Variants in GC observed in about 807,000 individuals in gnomAD.
GC encodes the protein vitamin D-binding protein.
Under a neutral mutation model 56.7 loss-of-function variants are expected in GC, and 43 were observed. The observed-to-expected ratio is 0.76, with a 90% CI of 0.59 to 0.98. The LOEUF is 0.98. Ranked by LOEUF, GC falls within the 50% of genes least tolerant of loss-of-function variation. The pLI is 0.00. For synonymous variants in GC, 216 were observed against 202.7 expected, an observed-to-expected ratio of 1.07 and a Z score of -0.56; for missense variants, 529 against 545.9, an observed-to-expected ratio of 0.97 and a Z score of 0.31.
At chr4:71,752,209 C>T (rs1741578827) in intron 11 of GC, among the ~76,000 whole-genome samples, 1 of 152,080 alleles carries the variant, frequency 6.6e-6, no homozygotes, top group Non-Finnish European at 1.5e-5. Context: ...TAGGCTGTTA[C>T]TAGGTTACAA....
chr4:71,769,248 T>G (rs1304899566), intron 2 of GC, 83 bp downstream of exon 2: 1 of 998,206 alleles, frequency 1.0e-6, no homozygotes, highest in Non-Finnish European at 1.6e-6. Flanking sequence ...AGGATTAACC[T>G]CCATGCTGAG....
chr4:71,793,650 T>C (rs1743024120), intron 1 of GC, among the ~76,000 whole-genome samples: 1 of 152,148 alleles, frequency 6.6e-6, no homozygotes. Context: ...CCTTTATTTC[T>C]TTCTCTTGCC....
chr4:71,797,553 T>C (rs185889584), intron 1 of GC, among the ~76,000 whole-genome samples: 7 of 152,034 alleles, frequency 4.6e-5, no homozygotes, highest in South Asian at 2.1e-4. Flanking sequence ...GAAAAGTCCT[T>C]TTTTTTCCAG....
intron 8 of GC, among the ~76,000 whole-genome samples, chr4:71,756,226 C>G (rs1329670352): frequency 6.6e-6 from 1 of 152,150 alleles, no homozygotes; most frequent in Non-Finnish European, 1.5e-5. Flanking sequence ...TATGATAAAA[C>G]TAGTTAATAA....
At chr4:71,803,347 T>C (rs952468353) in intron 1 of GC, among the ~76,000 whole-genome samples, 2 of 152,134 alleles carry the variant, frequency 1.3e-5, no homozygotes, top group South Asian at 4.1e-4. Context: ...ATCCAGTTAC[T>C]TCCTTTAAAA....
At chr4:71,770,959 A>G (rs1220845837) in intron 1 of GC, among the ~76,000 whole-genome samples, 1 of 152,178 alleles carries the variant, frequency 6.6e-6, no homozygotes, top group African/African-American at 2.4e-5. Context: ...TCCATCACAT[A>G]TGTAATAGGG....
rs1250441988 is a variant in GC, at chr4:71,741,779, A to G, written c.*117T>C. On this transcript the variant is annotated 3_prime_UTR_variant, in exon 13 of 13. Coordinates refer to ENST00000273951, the MANE Select transcript of GC (RefSeq NM_000583.4). The stretch of plus-strand genomic sequence containing the variant: ...TGAAGATATTGTAGCTAGAAAAAGT[A>G]GAAAGTATCCTAGTTGTCTTCCCAG... 5.7e-6 allele frequency: 4 copies of G among 697,704 alleles called. No individual in the cohort carries two copies. Among genetic ancestry groups the G allele is most frequent in the Admixed American group, 2.1e-5 (1 of 48,562 alleles). 43.2% of individuals were successfully genotyped at this position (697,704 alleles called of 1,614,324 possible).
chr4:71,752,099 C>T (rs562333382), intron 11 of GC, among the ~76,000 whole-genome samples: 6 of 152,088 alleles, frequency 3.9e-5, no homozygotes, highest in Admixed American at 1.3e-4. Context: ...TCTACATAAA[C>T]ACACATACAG....
At chr4:71,768,795 C>T (rs1742256234) in intron 2 of GC, among the ~76,000 whole-genome samples, 1 of 152,162 alleles carries the variant, frequency 6.6e-6, no homozygotes, top group Non-Finnish European at 1.5e-5. Flanking sequence ...CATTTTGGCA[C>T]ATTAAAATAT....
At chr4:71,757,686 C>A (rs1275336760) in intron 7 of GC, among the ~76,000 whole-genome samples, 1 of 152,080 alleles carries the variant, frequency 6.6e-6, no homozygotes, top group East Asian at 1.9e-4. Context: ...AATTTTAAAT[C>A]ATATTCAACT....
At chr4:71,776,422 T>C (rs1742509363) in intron 1 of GC, among the ~76,000 whole-genome samples, 1 of 151,812 alleles carries the variant, frequency 6.6e-6, no homozygotes, top group Non-Finnish European at 1.5e-5. Flanking sequence ...AGAAAAATAC[T>C]GCATTATATC....
At chr4:71,749,378 T>C (rs1158839746) in intron 11 of GC, among the ~76,000 whole-genome samples, 1 of 152,202 alleles carries the variant, frequency 6.6e-6, no homozygotes, top group Non-Finnish European at 1.5e-5. Flanking sequence ...TTAGGAAGCA[T>C]GAATTTGCGC....
chr4:71,755,845 A>C (rs1309863587), intron 8 of GC, among the ~76,000 whole-genome samples: 1 of 152,208 alleles, frequency 6.6e-6, no homozygotes, highest in Non-Finnish European at 1.5e-5. Context: ...TGCACTTATA[A>C]AAGCAATACA....
chr4:71,758,017 A>T, intron 7 of GC, 25 bp downstream of exon 7: 4 of 1,606,588 alleles, frequency 2.5e-6, no homozygotes, highest in Non-Finnish European at 3.4e-6. Context: ...GCACATGGTG[A>T]TAATGATAAT....
At chr4:71,760,044 T>G (rs1367832736) in intron 6 of GC, among the ~76,000 whole-genome samples, 1 of 144,726 alleles carries the variant, frequency 6.9e-6, no homozygotes. Context: ...GAAACTAGTT[T>G]TTTTTTTTTT....
intron 1 of GC, among the ~76,000 whole-genome samples, chr4:71,794,145 T>G (rs1229269961): frequency 6.6e-6 from 1 of 152,226 alleles, no homozygotes; most frequent in Non-Finnish European, 1.5e-5. Context: ...TGCCAGGCTT[T>G]GGTATCAGGA....
intron 6 of GC, among the ~76,000 whole-genome samples, chr4:71,758,416 T>A (rs1425938591): frequency 6.6e-6 from 1 of 152,194 alleles, no homozygotes; most frequent in Non-Finnish European, 1.5e-5. Context: ...TTGCCAGATA[T>A]ACATAGTGAA....
chr4:71,768,183 C>T (rs1347242183), intron 3 of GC, 118 bp downstream of exon 3: 1 of 725,848 alleles, frequency 1.4e-6, no homozygotes, highest in Non-Finnish European at 2.2e-6. Context: ...CTTCATATTT[C>T]CCCCAAACTA....
intron 1 of GC, among the ~76,000 whole-genome samples, chr4:71,775,324 T>C (rs1324372924): frequency 6.6e-6 from 1 of 151,934 alleles, no homozygotes; most frequent in African/African-American, 2.4e-5. Context: ...TAAAAGTCAC[T>C]TCATTAAGCA....
Sources: gnomAD v4.1 joint callset for allele counts (sites outside exome capture counted in the v4.1 genomes callset) on GRCh38, gnomAD v4.1.1 for gene constraint, MANE v1.5 for transcripts, NCBI Gene and HGNC (gene_info 2026-07-23, HGNC 2026-07-21) for gene names.